RELN: variants seen among roughly 807,000 people sequenced by gnomAD.
RELN encodes the protein reelin.
A neutral mutation model predicts 427.6 loss-of-function variants in RELN; 108 were observed. The ratio of observed to expected loss-of-function variants is 0.25; its 90% CI spans 0.22 to 0.30. The LOEUF (loss-of-function observed/expected upper bound fraction) is 0.30. RELN is among the 10% of genes least tolerant of loss of function. The pLI, the probability that RELN is intolerant of heterozygous loss-of-function variation, is 1.00. For missense variants in RELN, 3,715 were observed against 4,302.8 expected (o/e 0.86, Z 3.82); for synonymous variants, 1,524 against 1,513.4 (o/e 1.01, Z -0.16).
chr7:103,847,449 G>A (rs1047878856), intron 2 of RELN, among the ~76,000 whole-genome samples: 2 of 152,120 alleles, frequency 1.3e-5, no homozygotes, highest in Admixed American at 1.3e-4. Flanking sequence ...ATAGCACTAG[G>A]AGAAATACCT....
intron 6 of RELN, among the ~76,000 whole-genome samples, chr7:103,734,856 C>G (rs1016961995): frequency 1.3e-5 from 2 of 152,098 alleles, no homozygotes; most frequent in East Asian, 1.9e-4. Context: ...AATAACTTTT[C>G]TTAAAAACTG....
intron 21 of RELN, 77 bp downstream of exon 21, chr7:103,611,534 T>C (rs1334185900): frequency 3.1e-6 from 3 of 981,850 alleles, no homozygotes; most frequent in Non-Finnish European, 4.5e-6. Flanking sequence ...TCTAGAACTG[T>C]AATTTTTTTT....
At chr7:103,846,118 G>A (rs74300480) in intron 2 of RELN, among the ~76,000 whole-genome samples, 21,390 of 152,138 alleles carry the variant, frequency 0.14, 1,704 homozygotes, top group East Asian at 0.29. Context: ...AGCCCATATA[G>A]CCAAGACAAT....
chr7:103,864,392 T>C (rs560713943), intron 2 of RELN, among the ~76,000 whole-genome samples: 7 of 152,304 alleles, frequency 4.6e-5, no homozygotes, highest in African/African-American at 1.7e-4. Context: ...GCAGCACACC[T>C]CTAGAAGTTA....
intron 20 of RELN, among the ~76,000 whole-genome samples, chr7:103,612,019 C>T (rs1831971465): frequency 6.6e-6 from 1 of 152,136 alleles, no homozygotes; most frequent in African/African-American, 2.4e-5. Context: ...CTACAGTTGT[C>T]AAATGTACCT....
chr7:103,645,368 T>C (rs1832776986), intron 16 of RELN, among the ~76,000 whole-genome samples: 2 of 151,786 alleles, frequency 1.3e-5, no homozygotes, highest in African/African-American at 2.4e-5. Context: ...TCCAACCATA[T>C]ACTGCTTACA....
intron 1 of RELN, among the ~76,000 whole-genome samples, chr7:103,927,842 G>A (rs1209438246): frequency 6.6e-6 from 1 of 152,106 alleles, no homozygotes; most frequent in Non-Finnish European, 1.5e-5. Flanking sequence ...TTGAGGCCTA[G>A]GAGTTTAGGA....
At chr7:103,820,419 G>T (rs1304238418) in intron 3 of RELN, among the ~76,000 whole-genome samples, 1 of 151,668 alleles carries the variant, frequency 6.6e-6, no homozygotes, top group Non-Finnish European at 1.5e-5. Context: ...AATTCCCATG[G>T]TTACTTTTCA....
chr7:103,679,694 G>A (rs983086143), intron 11 of RELN, among the ~76,000 whole-genome samples: 1 of 151,196 alleles, frequency 6.6e-6, no homozygotes, highest in African/African-American at 2.4e-5. Flanking sequence ...AATAGTTTTA[G>A]TTCTTTTTTT....
At chr7:103,738,758 C>A (rs957647720) in intron 6 of RELN, among the ~76,000 whole-genome samples, 3 of 137,876 alleles carry the variant, frequency 2.2e-5, no homozygotes, top group South Asian at 2.4e-4. Flanking sequence ...TCTCGGCTCA[C>A]TGCAACCTCC....
At chr7:103,857,110 CAT>C (rs1482780996) in intron 2 of RELN, among the ~76,000 whole-genome samples, 1 of 152,092 alleles carries the variant, frequency 6.6e-6, no homozygotes, top group East Asian at 1.9e-4. Flanking sequence ...TCTCTTGCAA[CAT>C]ATGTTATTGT....
chr7:103,656,639 C>A (rs1486012497), intron 12 of RELN, among the ~76,000 whole-genome samples: 1 of 151,964 alleles, frequency 6.6e-6, no homozygotes, highest in African/African-American at 2.4e-5. Context: ...GAGAAAATCG[C>A]CCAATAATTT....
At chr7:103,513,298 A>G (rs1829474436) in intron 50 of RELN, 1 of 152,240 alleles carries the variant, frequency 6.6e-6, no homozygotes, top group Admixed American at 6.5e-5. Context: ...CAAGACAGAT[A>G]GGAGCCAGAA....
intron 3 of RELN, among the ~76,000 whole-genome samples, chr7:103,781,209 C>T (rs896489584): frequency 2.6e-5 from 4 of 151,744 alleles, no homozygotes; most frequent in African/African-American, 7.3e-5. Context: ...ATCCGCACTG[C>T]ACTCCTTAGG....
rs147935903 is a variant in RELN at position 103,809,229 on chromosome 7, A to G, written c.473+24308T>C. On this transcript the variant is annotated intron_variant, in intron 3 of 64. Coordinates refer to ENST00000428762, the MANE Select transcript of RELN (RefSeq NM_005045.4). ...CTATCATTCAAGAGGGTAGAACTAA[A>G]ACATACTCAGACCAACAAAGTCTCA... Among the ~76,000 whole-genome samples the G allele has an allele frequency of 1.4e-3, 216 of 152,292 alleles. 1 individual carries two copies. Among genetic ancestry groups the G allele is most frequent in the African/African-American group, 5.0e-3 (208 of 41,572 alleles).
intron 48 of RELN, 96 bp downstream of exon 48, chr7:103,521,926 G>A: frequency 1.6e-6 from 2 of 1,239,284 alleles, no homozygotes; most frequent in Non-Finnish European, 1.2e-6. Flanking sequence ...AACTAACCCT[G>A]CATCTTGATT....
At chr7:103,716,792 T>C (rs1360175134) in intron 8 of RELN, among the ~76,000 whole-genome samples, 1 of 152,314 alleles carries the variant, frequency 6.6e-6, no homozygotes, top group East Asian at 1.9e-4. Flanking sequence ...AGTGTATCTA[T>C]CAAAGCAGAG....
chr7:103,904,538 T>C (rs1026993737), intron 2 of RELN, among the ~76,000 whole-genome samples: 2 of 152,094 alleles, frequency 1.3e-5, no homozygotes, highest in African/African-American at 4.8e-5. Context: ...ACTTTACATA[T>C]CTTATCAGGA....
intron 22 of RELN, among the ~76,000 whole-genome samples, chr7:103,610,094 C>T (rs2117287387): frequency 6.6e-6 from 1 of 152,080 alleles, no homozygotes; most frequent in Non-Finnish European, 1.5e-5. Flanking sequence ...TAATTTTTTC[C>T]CCAAATATTA....
Sources: allele counts gnomAD v4.1 joint callset (sites outside exome capture counted in the v4.1 genomes callset), GRCh38; gene constraint gnomAD v4.1.1; transcripts MANE v1.5; gene names NCBI Gene and HGNC (gene_info 2026-07-23, HGNC 2026-07-21).